Variants in FBXW7 observed in about 807,000 individuals in gnomAD.
FBXW7 encodes F-box/WD repeat-containing protein 7.
A neutral mutation model predicts 86.3 loss-of-function variants in FBXW7; 11 were observed. That is an observed-to-expected ratio of 0.13 (90% CI 0.08 to 0.21). The LOEUF (loss-of-function observed/expected upper bound fraction) is 0.21, where lower values mean the gene tolerates loss of function less well. FBXW7 is among the 10% of genes least tolerant of loss of function. The pLI is 1.00. For synonymous variants in FBXW7, 313 were observed against 297.9 expected (o/e 1.05, Z -0.52); for missense variants, 488 against 847.4 (o/e 0.58, Z 5.27).
chr4:152,386,878 G>A (rs1735567760), intron 4 of FBXW7, among the ~76,000 whole-genome samples: 1 of 151,922 alleles, frequency 6.6e-6, no homozygotes, highest in African/African-American at 2.4e-5. Context: ...TCACCAATAC[G>A]GTATCTGTAA....
chr4:152,500,875 T>C (rs1746881127), intron 2 of FBXW7, among the ~76,000 whole-genome samples: 1 of 152,236 alleles, frequency 6.6e-6, no homozygotes, highest in Non-Finnish European at 1.5e-5. Flanking sequence ...TTTCTTAAAA[T>C]TAAGCAACAT....
chr4:152,365,104 T>C (rs188109982), intron 4 of FBXW7, among the ~76,000 whole-genome samples: 1 of 152,258 alleles, frequency 6.6e-6, no homozygotes, highest in Non-Finnish European at 1.5e-5. Context: ...CCACCTAGTC[T>C]GTGGGTTCAC....
intron 4 of FBXW7, among the ~76,000 whole-genome samples, chr4:152,365,855 A>G (rs1051993098): frequency 2.6e-5 from 4 of 152,176 alleles, no homozygotes; most frequent in Non-Finnish European, 5.9e-5. Context: ...TGAGCACATT[A>G]AATATTTGTC....
At chr4:152,451,016 T>C (rs766183105) in intron 2 of FBXW7, among the ~76,000 whole-genome samples, 1 of 152,204 alleles carries the variant, frequency 6.6e-6, no homozygotes, top group Non-Finnish European at 1.5e-5. Flanking sequence ...TCCTTCCACA[T>C]CAGCTAATTT....
chr4:152,328,637 CATG>C (rs1403535756), intron 10 of FBXW7: 1 of 289,430 alleles, frequency 3.5e-6, no homozygotes, highest in African/African-American at 2.2e-5. Flanking sequence ...TGATATAAAA[CATG>C]ATATAATAAA....
At chr4:152,490,714 A>G (rs1745762995) in intron 2 of FBXW7, among the ~76,000 whole-genome samples, 1 of 152,168 alleles carries the variant, frequency 6.6e-6, no homozygotes, top group South Asian at 2.1e-4. Context: ...ATCAAAACAT[A>G]ATCCTGCACC....
chr4:152,462,556 T>C (rs79233345), intron 2 of FBXW7, among the ~76,000 whole-genome samples: 2,438 of 152,314 alleles, frequency 0.016, 76 homozygotes, highest in African/African-American at 0.056. Flanking sequence ...TACCCGTAAC[T>C]TCTTTCCTAT....
intron 4 of FBXW7, among the ~76,000 whole-genome samples, chr4:152,402,863 G>C (rs749508529): frequency 1.4e-4 from 21 of 152,196 alleles, no homozygotes; most frequent in Non-Finnish European, 2.8e-4. Context: ...AGCAAAGTCA[G>C]AGATGTCAAC....
intron 4 of FBXW7, among the ~76,000 whole-genome samples, chr4:152,402,460 T>C (rs1187846445): frequency 2.0e-5 from 3 of 152,164 alleles, no homozygotes; most frequent in Non-Finnish European, 4.4e-5. Flanking sequence ...AAAATAAATG[T>C]TAGGGCGGTA....
intron 2 of FBXW7, among the ~76,000 whole-genome samples, chr4:152,511,299 C>A (rs557012180): frequency 1.3e-5 from 2 of 151,168 alleles, no homozygotes; most frequent in Non-Finnish European, 3.0e-5. Context: ...CCCGCCCCCC[C>A]CACCGAATCC....
chr4:152,393,687 T>C (rs1217261021), intron 4 of FBXW7, among the ~76,000 whole-genome samples: 1 of 152,132 alleles, frequency 6.6e-6, no homozygotes, highest in Non-Finnish European at 1.5e-5. Context: ...ACTCCTCAAA[T>C]TCACCAGTAC....
At position 152,411,420 on chromosome 4, in the gene FBXW7, A is replaced by C. The variant is rs1737953314; in HGVS notation, c.384T>G (p.Ser128=). Residue 128 remains serine (S), a synonymous_variant, in exon 4 of 14, where the codon TCT becomes TCG. Coordinates refer to ENST00000281708, the MANE Select transcript of FBXW7 (RefSeq NM_001349798.2). ...MDQESDDFDQ[S]DDSSREDEHT... is the part of the protein sequence containing the mutation. ...GTTCATCTTCTCTGCTACTATCATC[A>C]GACTGATCAAAATCGTCACTCTCCT... The C allele has an allele frequency of 6.2e-7, 1 of 1,613,596 alleles. No individual in the cohort carries two copies.
intron 2 of FBXW7, among the ~76,000 whole-genome samples, chr4:152,528,820 A>T (rs1190319628): frequency 6.6e-6 from 1 of 152,186 alleles, no homozygotes; most frequent in East Asian, 1.9e-4. Context: ...ATAAAACAGG[A>T]TATTAAGTGA....
intron 2 of FBXW7, among the ~76,000 whole-genome samples, chr4:152,516,084 G>A (rs764168956): frequency 7.2e-5 from 11 of 152,186 alleles, no homozygotes; most frequent in Admixed American, 1.3e-4. Flanking sequence ...AGAGATAGGA[G>A]CCCCGGCTGA....
chr4:152,470,629 C>T (rs539956756), intron 2 of FBXW7, among the ~76,000 whole-genome samples: 1 of 152,080 alleles, frequency 6.6e-6, no homozygotes, highest in Non-Finnish European at 1.5e-5. Flanking sequence ...CAAAAGCTAG[C>T]GGTTAATAAT....
At chr4:152,451,454 T>C (rs1741900179) in intron 2 of FBXW7, among the ~76,000 whole-genome samples, 1 of 152,162 alleles carries the variant, frequency 6.6e-6, no homozygotes, top group Non-Finnish European at 1.5e-5. Flanking sequence ...CTCAAATTTA[T>C]TTGCATAAAT....
chr4:152,411,885 A>G lies in FBXW7; in HGVS notation c.-69-13T>C, dbSNP rs1366403403. Reference sequence around the variant, plus strand: ...AGGTTTTCACATTCTGCAGGGGAAAATAGGGTAAAAAACAAGATTTGTACA... The same window carrying G: ...AGGTTTTCACATTCTGCAGGGGAAAGTAGGGTAAAAAACAAGATTTGTACA... On this transcript the variant is annotated splice_polypyrimidine_tract_variant and intron_variant, in intron 3 of 13. Coordinates refer to ENST00000281708, the MANE Select transcript of FBXW7 (RefSeq NM_001349798.2). 1 of 1,456,868 alleles carries G rather than the reference A, an allele frequency of 6.9e-7. No individual in the cohort carries two copies. Among genetic ancestry groups the G allele is most frequent in the Non-Finnish European group, 9.0e-7 (1 of 1,105,336 alleles). 90.2% of individuals were successfully genotyped at this position (1,456,868 alleles called of 1,614,324 possible). A position where few individuals can be genotyped will look rare whatever the true frequency, so the allele number is the denominator to read the frequency against.
intron 4 of FBXW7, among the ~76,000 whole-genome samples, chr4:152,393,193 T>C (rs1736137069): frequency 6.6e-6 from 1 of 152,274 alleles, no homozygotes; most frequent in Non-Finnish European, 1.5e-5. Flanking sequence ...AATATTTTTA[T>C]GTGAACTCTC....
chr4:152,346,907 A>C, intron 6 of FBXW7, 23 bp downstream of exon 6: 3 of 1,608,806 alleles, frequency 1.9e-6, no homozygotes, highest in Non-Finnish European at 2.5e-6. Context: ...AGGCATTTCA[A>C]GTACTATGTT....
Sources: gnomAD v4.1 joint callset for allele counts (sites outside exome capture counted in the v4.1 genomes callset) on GRCh38, gnomAD v4.1.1 for gene constraint, MANE v1.5 for transcripts, NCBI Gene and HGNC (gene_info 2026-07-23, HGNC 2026-07-21) for gene names.